The following CADM2 variants were observed in gnomAD, a reference collection of about 807,000 sequenced individuals.
The protein encoded by CADM2 is immunoglobulin superfamily member 4D.
A neutral mutation model predicts 49.8 loss-of-function variants in CADM2; 12 were observed. The observed-to-expected ratio is 0.24, with a 90% CI of 0.15 to 0.39. The LOEUF (loss-of-function observed/expected upper bound fraction) is 0.39. CADM2 is among the 10% of genes least tolerant of loss of function. CADM2 has a pLI of 1.00. For missense variants in CADM2, 378 were observed against 492.3 expected (o/e 0.77, Z 2.20); for synonymous variants, 214 against 175.4 (o/e 1.22, Z -1.74).
At chr3:85,741,636 C>G (rs186497535) in intron 2 of CADM2, among the ~76,000 whole-genome samples, 1 of 152,128 alleles carries the variant, frequency 6.6e-6, no homozygotes, top group Non-Finnish European at 1.5e-5. Context: ...CCATTGCACT[C>G]CAGCCTGGGC....
chr3:85,462,808 T>A (rs2038308471), intron 1 of CADM2, among the ~76,000 whole-genome samples: 1 of 152,172 alleles, frequency 6.6e-6, no homozygotes, highest in African/African-American at 2.4e-5. Flanking sequence ...CACACTCCCA[T>A]TGATTAACAT....
chr3:85,301,994 T>A (rs1341168072), intron 1 of CADM2, among the ~76,000 whole-genome samples: 2 of 152,074 alleles, frequency 1.3e-5, no homozygotes, highest in East Asian at 3.9e-4. Flanking sequence ...TCCTTTCAAT[T>A]TAAGTGGTTT....
At chr3:86,025,304 G>C (rs555657535) in intron 8 of CADM2, among the ~76,000 whole-genome samples, 3 of 152,150 alleles carry the variant, frequency 2.0e-5, no homozygotes, top group East Asian at 1.9e-4. Context: ...TGATCTGCCC[G>C]CCTCGGCCTC....
chr3:84,985,088 A>G (rs1479045313), intron 1 of CADM2, among the ~76,000 whole-genome samples: 1 of 152,156 alleles, frequency 6.6e-6, no homozygotes, highest in Non-Finnish European at 1.5e-5. Context: ...TTTGGGCTGA[A>G]GAGTTATTGT....
At chr3:85,624,766 T>G (rs577796027) in intron 1 of CADM2, among the ~76,000 whole-genome samples, 3 of 152,296 alleles carry the variant, frequency 2.0e-5, no homozygotes, top group African/African-American at 4.8e-5. Context: ...AAAATGCTTC[T>G]GTCTTATGAA....
intron 1 of CADM2, among the ~76,000 whole-genome samples, chr3:85,315,841 T>C (rs1159778070): frequency 6.6e-6 from 1 of 152,154 alleles, no homozygotes; most frequent in Non-Finnish European, 1.5e-5. Flanking sequence ...CTTCTTAAAT[T>C]ATGAAATTTT....
chr3:85,758,089 C>A (rs1327099679), intron 2 of CADM2, among the ~76,000 whole-genome samples: 1 of 151,972 alleles, frequency 6.6e-6, no homozygotes, highest in East Asian at 1.9e-4. Context: ...GGTAGAAAAA[C>A]AATAATGGAC....
Position 85,928,971 on chromosome 3 carries a change from A to G in CADM2, c.701-6796A>G, listed in dbSNP as rs144750409. On this transcript the variant is annotated intron_variant, in intron 6 of 9. Transcript: ENST00000383699. ...ACAACGTTGAAAGGACCAATTTTTT[A>G]AAGGCATTTTAAAACTGCGTGAAAA... 3.7e-3 allele frequency among the ~76,000 whole-genome samples: 559 copies of G among 152,218 alleles called. 8 individuals are homozygous for G. In the East Asian group the frequency reaches 0.039, roughly 11 times the overall value.
chr3:85,756,292 C>A (rs1056670021), intron 2 of CADM2, among the ~76,000 whole-genome samples: 1 of 152,076 alleles, frequency 6.6e-6, no homozygotes, highest in Non-Finnish European at 1.5e-5. Context: ...CTTTTTCTCA[C>A]AAACTTCTTT....
chr3:85,580,749 G>A (rs1312949856), intron 1 of CADM2, among the ~76,000 whole-genome samples: 1 of 151,932 alleles, frequency 6.6e-6, no homozygotes, highest in Admixed American at 6.6e-5. Flanking sequence ...AAACTACAAT[G>A]CAGAATGAAT....
intron 1 of CADM2, among the ~76,000 whole-genome samples, chr3:85,290,378 G>T (rs1036365994): frequency 6.6e-5 from 10 of 152,204 alleles, no homozygotes; most frequent in Non-Finnish European, 1.5e-4. Context: ...GCCCGCCATT[G>T]CCCAGGCTTG....
At chr3:85,338,484 A>T (rs1316853527) in intron 1 of CADM2, among the ~76,000 whole-genome samples, 1 of 151,580 alleles carries the variant, frequency 6.6e-6, no homozygotes, top group Admixed American at 6.6e-5. Flanking sequence ...TAATAAAAAT[A>T]ATTACCATTA....
intron 2 of CADM2, among the ~76,000 whole-genome samples, chr3:85,758,764 G>A (rs190628714): frequency 1.3e-5 from 2 of 152,056 alleles, no homozygotes; most frequent in Non-Finnish European, 2.9e-5. Flanking sequence ...AATTTCACTT[G>A]AAGTAGTTGA....
rs147746996 is a variant in CADM2, at chr3:86,027,317, A to T, written c.971-38288A>T. 5.7e-3 allele frequency among the ~76,000 whole-genome samples: 867 copies of T among 152,288 alleles called. 15 individuals are homozygous for T. In the South Asian group the frequency reaches 0.061, roughly 11 times the overall value. ...ATTTATTATCAACATTGCATACCGT[A>T]TATTGGAAGGCAAAAGTATTTTCCC... On this transcript the variant is annotated intron_variant, in intron 8 of 9. Coordinates refer to ENST00000383699, the MANE Select transcript of CADM2 (RefSeq NM_001167675.2).
At chr3:85,880,545 T>C (rs898448164) in intron 3 of CADM2, among the ~76,000 whole-genome samples, 2 of 152,216 alleles carry the variant, frequency 1.3e-5, no homozygotes, top group African/African-American at 2.4e-5. Flanking sequence ...TCCTCTTGAT[T>C]CCTAAAGGAT....
chr3:85,422,017 G>A (rs903935304), intron 1 of CADM2, among the ~76,000 whole-genome samples: 2 of 152,186 alleles, frequency 1.3e-5, no homozygotes, highest in Non-Finnish European at 2.9e-5. Context: ...TTCCCGAAGG[G>A]ATTGACATTG....
At chr3:86,036,046 C>A (rs1245190015) in intron 8 of CADM2, among the ~76,000 whole-genome samples, 4 of 152,004 alleles carry the variant, frequency 2.6e-5, no homozygotes, top group African/African-American at 9.7e-5. Context: ...CTCATTGCAA[C>A]CTAATTGCCT....
chr3:85,109,358 A>G (rs1200062179), intron 1 of CADM2, among the ~76,000 whole-genome samples: 1 of 151,962 alleles, frequency 6.6e-6, no homozygotes, highest in African/African-American at 2.4e-5. Flanking sequence ...AAACATAGAG[A>G]AAGAGAGACA....
chr3:85,403,973 C>G (rs969375081), intron 1 of CADM2, among the ~76,000 whole-genome samples: 3 of 151,794 alleles, frequency 2.0e-5, no homozygotes, highest in African/African-American at 7.3e-5. Flanking sequence ...CTGGCTTGTA[C>G]CAGTTGAGAT....
Sources: allele counts gnomAD v4.1 joint callset (sites outside exome capture counted in the v4.1 genomes callset), GRCh38; gene constraint gnomAD v4.1.1; transcripts MANE v1.5; gene names NCBI Gene and HGNC (gene_info 2026-07-23, HGNC 2026-07-21).